ZSCAN22: variants seen among roughly 807,000 people sequenced by gnomAD.
ZSCAN22 encodes the protein zinc finger and SCAN domain containing 22.
A neutral mutation model predicts 12.4 loss-of-function variants in ZSCAN22; 7 were observed. The ratio of observed to expected loss-of-function variants is 0.57; its 90% CI spans 0.32 to 1.06. ZSCAN22 has a LOEUF of 1.06. ZSCAN22 is among the 50% of genes least tolerant of loss of function. ZSCAN22 has a pLI of 0.04. For missense variants in ZSCAN22, 576 were observed against 631.7 expected, an observed-to-expected ratio of 0.91 and a Z score of 0.94; for synonymous variants, 243 against 255.9, an observed-to-expected ratio of 0.95 and a Z score of 0.48.
Position 58,335,533 on chromosome 19 carries a change from G to A in ZSCAN22, c.403+328G>A, listed in dbSNP as rs559678000. On this transcript the variant is annotated intron_variant, in intron 2 of 2. Coordinates refer to ENST00000329665, the MANE Select transcript of ZSCAN22 (RefSeq NM_181846.3). This position sits in a 1 kb window ranked among gnomAD's most constrained non-coding sequence, Gnocchi z 4.1. ...TGTGTTAGCTTCATTCTTATTTTAG[G>A]TTCTCTTTCCAAAGGGGTTAAAGAT... Among the ~76,000 whole-genome samples the A allele has an allele frequency of 6.6e-6, 1 of 152,218 alleles. No homozygotes were observed. Among genetic ancestry groups the A allele is most frequent in the Admixed American group, 6.5e-5 (1 of 15,294 alleles).
At position 58,335,266 on chromosome 19, in the gene ZSCAN22, G is replaced by T; in HGVS notation, c.403+61G>T. The T allele has an allele frequency of 6.8e-7, 1 of 1,463,858 alleles. No individual in the cohort carries two copies. The highest frequency in any genetic ancestry group is 9.0e-7 in the Non-Finnish European group (1 of 1,106,336). 90.7% of individuals were successfully genotyped at this position (1,463,858 alleles called of 1,614,324 possible). On this transcript the variant is annotated intron_variant, in intron 2 of 2. Coordinates refer to ENST00000329665, the MANE Select transcript of ZSCAN22 (RefSeq NM_181846.3). This position sits in a 1 kb window ranked among gnomAD's most constrained non-coding sequence, Gnocchi z 4.1. ...AGAGATACACCCTGGACAGGAACAT[G>T]GGAGCACAGGGCTCTGGTTTGGGGT...
intron 1 of ZSCAN22, among the ~76,000 whole-genome samples, chr19:58,333,084 G>GT (rs1246606071): frequency 6.6e-6 from 1 of 152,166 alleles, no homozygotes; most frequent in African/African-American, 2.4e-5. Flanking sequence ...GCCCATTTGT[G>GT]TATCTTCCTT....
In ZSCAN22 at chr19:58,338,548, G is replaced by A; in HGVS notation, c.698G>A (p.Trp233Ter). 3 of 1,614,210 alleles carry A rather than the reference G, an allele frequency of 1.9e-6. No homozygotes were observed. The South Asian group carries it at 3.3e-5, about 18-fold the overall frequency. Residue 233 changes from tryptophan to a stop codon, truncating the protein, a stop_gained, in exon 3 of 3, where the codon TGG becomes TAG. Coordinates refer to ENST00000329665, the MANE Select transcript of ZSCAN22 (RefSeq NM_181846.3). LOFTEE classifies it low-confidence loss of function (END_TRUNC). The surrounding 1 kb of genome is among the most constrained non-coding windows in gnomAD (Gnocchi z 5.4). Reference protein sequence around the residue: ...SGASRNSSSAWPNLTSQEKPP... With the variant: ...SGASRNSSSA The stretch of plus-strand genomic sequence containing the variant: ...GCCTCGAGGAACAGTTCTAGTGCGT[G>A]GCCAAACCTCACCTCCCAAGAGAAG...
At position 58,339,304 on chromosome 19, in the gene ZSCAN22, T is replaced by A; in HGVS notation, c.1454T>A (p.Ile485Asn). Reference sequence around the variant, plus strand: ...TCAGCCCTGATGGTTCACTTGCGGATCCACATCACGGTGCTGCAATGACCG... The same window carrying A: ...TCAGCCCTGATGGTTCACTTGCGGAACCACATCACGGTGCTGCAATGACCG... ...RSSALMVHLR[I>N]HITVLQ Residue 485 changes from isoleucine (I) to asparagine (N), a missense_variant, in exon 3 of 3, where the codon ATC becomes AAC. By Grantham distance (149) the Ile-to-Asn change is moderately radical. Coordinates refer to ENST00000329665, the MANE Select transcript of ZSCAN22 (RefSeq NM_181846.3). This position sits in a 1 kb window ranked among gnomAD's most constrained non-coding sequence, Gnocchi z 5.6. 10 of 1,610,868 alleles carry A rather than the reference T, an allele frequency of 6.2e-6. No individual in the cohort carries two copies. The highest frequency in any genetic ancestry group is 8.5e-6 in the Non-Finnish European group (10 of 1,177,786).
In ZSCAN22 at chr19:58,338,622, C is replaced by A; in HGVS notation, c.772C>A (p.Pro258Thr). Residue 258 changes from proline to threonine, a missense_variant, in exon 3 of 3, where the codon CCT (proline) becomes ACT (threonine). Physicochemically the swap from Pro to Thr is conservative, Grantham distance 38 (BLOSUM62 -1). Transcript: ENST00000329665. This position sits in a 1 kb window ranked among gnomAD's most constrained non-coding sequence, Gnocchi z 5.4. ...TCTGGTGGATGCTTATGGGACAGAGCCTCCATACACCTACTCAGGGAAGAG... is the reference window on the plus strand; with the variant it reads ...TCTGGTGGATGCTTATGGGACAGAGACTCCATACACCTACTCAGGGAAGAG... Reference protein sequence around the residue: ...FDLVDAYGTEPPYTYSGKRSS... With the variant: ...FDLVDAYGTETPYTYSGKRSS... 1 of 1,614,228 alleles carries A rather than the reference C, an allele frequency of 6.2e-7. No homozygotes were observed. The highest frequency in any genetic ancestry group is 8.5e-7 in the Non-Finnish European group (1 of 1,180,044).
chr19:58,338,810 G>T lies in ZSCAN22; in HGVS notation c.960G>T (p.Gly320=), dbSNP rs766504588. The change falls in exon 3 of 3, where the codon GGG becomes GGT. Residue 320 remains glycine, a synonymous_variant. Coordinates refer to ENST00000329665, the MANE Select transcript of ZSCAN22 (RefSeq NM_181846.3). This position sits in a 1 kb window ranked among gnomAD's most constrained non-coding sequence, Gnocchi z 5.4. The part of the protein sequence containing the change: ...HLAQHQVVHT[G]AKPHECKECG... ...CCCAGCACCAGGTTGTCCACACAGG[G>T]GCGAAGCCCCATGAGTGTAAGGAAT... 4 of 1,613,926 alleles carry T rather than the reference G, an allele frequency of 2.5e-6. No homozygotes were observed. In the East Asian group the frequency reaches 6.7e-5, roughly 27 times the overall value.
chr19:58,327,268 A>G (rs1404137722), intron 1 of ZSCAN22, among the ~76,000 whole-genome samples, 154 bp downstream of exon 1: 1 of 152,198 alleles, frequency 6.6e-6, no homozygotes, highest in African/African-American at 2.4e-5. Context: ...GAGTAGACGG[A>G]CTGCGAGTGC....
rs1425647859 is a variant in ZSCAN22, at chr19:58,338,143, A to G, written c.404-111A>G. On this transcript the variant is annotated intron_variant, in intron 2 of 2. Coordinates refer to ENST00000329665, the MANE Select transcript of ZSCAN22 (RefSeq NM_181846.3). The surrounding 1 kb of genome is among the most constrained non-coding windows in gnomAD (Gnocchi z 5.4). ...AACTTCCCCTTGGAACTGGGGCCAG[A>G]TGTTAGGAACGGGCCACATCTCCCC... The G allele has an allele frequency of 3.0e-6, 3 of 989,130 alleles. No homozygotes were observed. Among genetic ancestry groups the G allele is most frequent in the Non-Finnish European group, 4.4e-6 (3 of 674,696 alleles). 61.3% of individuals were successfully genotyped at this position (989,130 alleles called of 1,614,324 possible). A position where few individuals can be genotyped will look rare whatever the true frequency, so the allele number is the denominator to read the frequency against.
rs1257927163 is a variant in ZSCAN22 at position 58,338,443 on chromosome 19, T to A, written c.593T>A (p.Val198Asp). Residue 198 changes from valine (V) to aspartate (D), a missense_variant, in exon 3 of 3, where the codon GTC becomes GAC. Val to Asp is a radical substitution (Grantham distance 152, BLOSUM62 -3). Coordinates refer to ENST00000329665, the MANE Select transcript of ZSCAN22 (RefSeq NM_181846.3). The surrounding 1 kb of genome is among the most constrained non-coding windows in gnomAD (Gnocchi z 5.4). ...GLSGEIWTKS[V>D]TQQIHFKKTS... ...TCAGGGGAGATCTGGACAAAGTCTG[T>A]CACCCAACAGATCCACTTCAAGAAA... 1 of 1,614,144 alleles carries A rather than the reference T, an allele frequency of 6.2e-7. No individual in the cohort carries two copies.
chr19:58,332,439 A>G (rs192101835), intron 1 of ZSCAN22, among the ~76,000 whole-genome samples: 1 of 151,146 alleles, frequency 6.6e-6, no homozygotes, highest in Non-Finnish European at 1.5e-5. Context: ...ACACCCAGCT[A>G]ATTTTTGTAT....
chr19:58,336,097 G>T (rs898907636), intron 2 of ZSCAN22, among the ~76,000 whole-genome samples: 2 of 152,194 alleles, frequency 1.3e-5, no homozygotes, highest in African/African-American at 4.8e-5. Flanking sequence ...TCAAGGCTCA[G>T]TAGATCCAAC....
In ZSCAN22 at chr19:58,334,900, A is replaced by C. The variant is rs2051773895; in HGVS notation, c.98A>C (p.Gln33Pro). 1.2e-6 allele frequency: 2 copies of C among 1,613,986 alleles called. No homozygotes were observed. The highest frequency in any genetic ancestry group is 3.3e-5 in the Admixed American group (2 of 60,006). The change falls in exon 2 of 3, where the codon CAG becomes CCG. Residue 33 changes from glutamine to proline, a missense_variant. Gln to Pro is a moderately conservative substitution (Grantham distance 76). Transcript: ENST00000329665. ...VEEEEEASLS[Q>P]GGESSHDHIA... ...GAGGAAGAGGAAGCCAGCCTCTCCC[A>C]GGGCGGAGAATCCAGCCATGACCAC...
In ZSCAN22 at chr19:58,334,580, G is replaced by C. The variant is rs1008092749; in HGVS notation, c.-51-172G>C. ...ATGAGTCTACATGCAAGCAGTAGTA[G>C]CTTAGAACAGTGCTCAGCACCAAGT... is the stretch of plus-strand genomic sequence containing the variant. On this transcript the variant is annotated intron_variant, in intron 1 of 2. Transcript: ENST00000329665. The C allele has an allele frequency of 7.4e-6, 4 of 538,550 alleles. No individual in the cohort carries two copies. The African/African-American group carries it at 7.6e-5, about 10-fold the overall frequency. The allele number at this position is 538,550 out of a possible 1,614,324, so 33.4% of individuals were successfully genotyped here. A position where few individuals can be genotyped will look rare whatever the true frequency, so the allele number is the denominator to read the frequency against.
At position 58,341,605 on chromosome 19, in the gene ZSCAN22, G is replaced by C. The variant is rs2051876687; in HGVS notation, c.*2279G>C. On this transcript the variant is annotated 3_prime_UTR_variant, in exon 3 of 3. Coordinates refer to ENST00000329665, the MANE Select transcript of ZSCAN22 (RefSeq NM_181846.3). ...CATGAAGGTAAGACTCAGGGAGACA[G>C]AGACTTTGTGGAAGTATCTCTGAGG... The C allele has an allele frequency of 6.6e-6, 1 of 152,254 alleles. No individual in the cohort carries two copies. Among genetic ancestry groups the C allele is most frequent in the Non-Finnish European group, 1.5e-5 (1 of 68,040 alleles). The allele number at this position is 152,254 out of a possible 1,614,324, so 9.4% of individuals were successfully genotyped here.
intron 1 of ZSCAN22, among the ~76,000 whole-genome samples, chr19:58,332,642 T>C (rs1029841525): frequency 6.6e-6 from 1 of 152,222 alleles, no homozygotes; most frequent in Non-Finnish European, 1.5e-5. Context: ...TAATCAGTAC[T>C]TCATTTCTGT....
chr19:58,331,049 C>T (rs1193359824), intron 1 of ZSCAN22, among the ~76,000 whole-genome samples: 1 of 152,132 alleles, frequency 6.6e-6, no homozygotes, highest in African/African-American at 2.4e-5. Flanking sequence ...GATACTCCAA[C>T]AGGGACAAGT....
Position 58,341,488 on chromosome 19 carries a change from A to T in ZSCAN22, c.*2162A>T, listed in dbSNP as rs1177724953. The T allele has an allele frequency of 2.0e-5, 3 of 152,202 alleles. No individual in the cohort carries two copies. The highest frequency in any genetic ancestry group is 7.2e-5 in the African/African-American group (3 of 41,430). 9.4% of individuals were successfully genotyped at this position (152,202 alleles called of 1,614,324 possible). ...GTATTGTGTACTAGTCACCGTCACC[A>T]TCTCTCCATATGTATCTCCCTGTAT... is the stretch of plus-strand genomic sequence containing the variant. On this transcript the variant is annotated 3_prime_UTR_variant, in exon 3 of 3. Coordinates refer to ENST00000329665, the MANE Select transcript of ZSCAN22 (RefSeq NM_181846.3).
In ZSCAN22 at chr19:58,339,442, A is replaced by G; in HGVS notation, c.*116A>G. The G allele has an allele frequency of 1.0e-6, 1 of 989,288 alleles. No homozygotes were observed. Among genetic ancestry groups the G allele is most frequent in the Non-Finnish European group, 1.5e-6 (1 of 688,434 alleles). 61.3% of individuals were successfully genotyped at this position (989,288 alleles called of 1,614,324 possible). On this transcript the variant is annotated 3_prime_UTR_variant, in exon 3 of 3. Transcript: ENST00000329665. This position sits in a 1 kb window ranked among gnomAD's most constrained non-coding sequence, Gnocchi z 5.6. ...GGTGGGTGATTGATGAGTTGTCAAA[A>G]TGATAGGTGCCTGAGGGCAGACTCG...
chr19:58,339,107 C>T lies in ZSCAN22; in HGVS notation c.1257C>T (p.Asp419=). The part of the protein sequence containing the change: ...KCDACGRAFS[D]CSALIRHLRI... ...ACGCGTGTGGCCGAGCCTTCAGCGA[C>T]TGCTCAGCCCTGATCCGACATCTGA... The change falls in exon 3 of 3, where the codon GAC becomes GAT. Residue 419 remains aspartate (D), a synonymous_variant. Coordinates refer to ENST00000329665, the MANE Select transcript of ZSCAN22 (RefSeq NM_181846.3). This position sits in a 1 kb window ranked among gnomAD's most constrained non-coding sequence, Gnocchi z 5.6. The T allele has an allele frequency of 6.2e-7, 1 of 1,614,244 alleles. No homozygotes were observed. Among genetic ancestry groups the T allele is most frequent in the South Asian group, 1.1e-5 (1 of 91,092 alleles).
Sources: gnomAD v4.1 joint callset for allele counts (sites outside exome capture counted in the v4.1 genomes callset) on GRCh38, gnomAD v4.1.1 for gene constraint, Gnocchi (gnomAD v3.1) non-coding constraint, MANE v1.5 for transcripts, NCBI Gene and HGNC (gene_info 2026-07-23, HGNC 2026-07-21) for gene names.